PTPRD: variants seen among roughly 807,000 people sequenced by gnomAD.
PTPRD encodes protein tyrosine phosphatase receptor type D.
A neutral mutation model predicts 214.5 loss-of-function variants in PTPRD; 34 were observed. The observed-to-expected ratio is 0.16, with a 90% CI of 0.12 to 0.21. PTPRD has a LOEUF of 0.21. Among genes scored for constraint, PTPRD ranks in the 10% least tolerant of loss-of-function variants. The pLI, the probability that PTPRD is intolerant of heterozygous loss-of-function variation, is 1.00. For missense variants in PTPRD, 2,545 were observed against 2,398.7 expected (o/e 1.06, Z -1.27); for synonymous variants, 1,128 against 845.7 (o/e 1.33, Z -5.79).
intron 7 of PTPRD, among the ~76,000 whole-genome samples, chr9:9,643,483 G>T (rs1190051044): frequency 1.3e-5 from 2 of 152,090 alleles, no homozygotes; most frequent in Non-Finnish European, 2.9e-5. Flanking sequence ...TGAGCAGAGT[G>T]AATCCAAGAA....
intron 2 of PTPRD, among the ~76,000 whole-genome samples, chr9:10,369,877 A>C (rs1565595338): frequency 1.3e-5 from 2 of 152,146 alleles, no homozygotes; most frequent in African/African-American, 2.4e-5. Flanking sequence ...ATGTCATATT[A>C]AATAGAAACA....
intron 3 of PTPRD, among the ~76,000 whole-genome samples, chr9:10,164,910 A>C (rs1188239909): frequency 6.6e-6 from 1 of 151,216 alleles, no homozygotes; most frequent in Non-Finnish European, 1.5e-5. Context: ...AAAAAAAGAC[A>C]ATAGCATACA....
chr9:9,631,226 A>T (rs1014408410), intron 7 of PTPRD, among the ~76,000 whole-genome samples: 4 of 134,944 alleles, frequency 3.0e-5, no homozygotes, highest in Admixed American at 7.1e-5. Flanking sequence ...AATAAATAAA[A>T]AGAAAAAGAA....
At chr9:8,978,695 T>A (rs2099284277) in intron 11 of PTPRD, among the ~76,000 whole-genome samples, 1 of 151,994 alleles carries the variant, frequency 6.6e-6, no homozygotes, top group Admixed American at 6.6e-5. Flanking sequence ...ATAACCTACA[T>A]AGCCTTGGAC....
intron 8 of PTPRD, among the ~76,000 whole-genome samples, chr9:9,572,534 T>G (rs1053795915): frequency 1.4e-5 from 2 of 147,014 alleles, no homozygotes; most frequent in Non-Finnish European, 3.0e-5. Flanking sequence ...AATCCTCTAT[T>G]GGATATATAC....
chr9:9,008,420 G>A (rs1240650132), intron 11 of PTPRD, among the ~76,000 whole-genome samples: 1 of 151,476 alleles, frequency 6.6e-6, no homozygotes, highest in African/African-American at 2.4e-5. Flanking sequence ...TTAGAGACGG[G>A]GTTTCACCGT....
intron 30 of PTPRD, among the ~76,000 whole-genome samples, chr9:8,478,795 A>G (rs1158145869): frequency 6.6e-6 from 1 of 152,244 alleles, no homozygotes; most frequent in Non-Finnish European, 1.5e-5. Flanking sequence ...ACAACCAAGT[A>G]TGAAAGTAAA....
intron 3 of PTPRD, among the ~76,000 whole-genome samples, chr9:10,077,376 A>C (rs2098149342): frequency 6.6e-6 from 1 of 152,208 alleles, no homozygotes; most frequent in Non-Finnish European, 1.5e-5. Context: ...CATTTGCTTA[A>C]GATTCACTTG....
chr9:9,044,034 A>G (rs2099659237), intron 10 of PTPRD, among the ~76,000 whole-genome samples: 2 of 152,178 alleles, frequency 1.3e-5, no homozygotes, highest in Non-Finnish European at 2.9e-5. Context: ...CAATTTAAAT[A>G]AGAGCTAATG....
At chr9:9,256,850 T>A (rs1042535714) in intron 9 of PTPRD, among the ~76,000 whole-genome samples, 12 of 151,970 alleles carry the variant, frequency 7.9e-5, no homozygotes, top group African/African-American at 2.9e-4. Context: ...AATCTCTAAG[T>A]CTTATTTGCC....
intron 7 of PTPRD, among the ~76,000 whole-genome samples, chr9:9,697,109 C>A (rs1352612414): frequency 6.6e-6 from 1 of 151,988 alleles, no homozygotes; most frequent in Non-Finnish European, 1.5e-5. Context: ...ATTTTTCTTG[C>A]CTCAATTTAC....
intron 2 of PTPRD, among the ~76,000 whole-genome samples, chr9:10,552,471 C>CT (rs36113949): frequency 6.6e-6 from 1 of 151,868 alleles, no homozygotes; most frequent in Non-Finnish European, 1.5e-5. Flanking sequence ...ATTCTTCTGT[C>CT]TTTTTTTTCT....
At chr9:9,631,788 A>G in intron 7 of PTPRD, among the ~76,000 whole-genome samples, 1 of 152,306 alleles carries the variant, frequency 6.6e-6, no homozygotes, top group Non-Finnish European at 1.5e-5. Context: ...TGGAAAAATA[A>G]TCAGAGCCTC....
At position 10,408,492 on chromosome 9, in the gene PTPRD, G is replaced by T. The variant is rs868126735; in HGVS notation, c.-599-67475C>A. On this transcript the variant is annotated intron_variant, in intron 2 of 45. Transcript: ENST00000381196. ...TTCAATGACTGCACAAGTTCATCCA[G>T]CTAGGAATTAAGGCTAGGAAGAGAA... Among the ~76,000 whole-genome samples the T allele has an allele frequency of 4.0e-5, 6 of 151,772 alleles. No homozygotes were observed. In the South Asian group the frequency reaches 1.2e-3, roughly 32 times the overall value.
At chr9:10,599,739 A>C (rs73642024) in intron 2 of PTPRD, among the ~76,000 whole-genome samples, 6,824 of 151,848 alleles carry the variant, frequency 0.045, 257 homozygotes, top group African/African-American at 0.099. Flanking sequence ...GAAATGATTC[A>C]AGATTGCTCT....
intron 12 of PTPRD, among the ~76,000 whole-genome samples, chr9:8,698,625 G>T (rs143593934): frequency 6.6e-6 from 1 of 152,164 alleles, no homozygotes; most frequent in Non-Finnish European, 1.5e-5. Flanking sequence ...CAGGAAGGCT[G>T]TATGACCACA....
intron 12 of PTPRD, among the ~76,000 whole-genome samples, chr9:8,692,407 C>T (rs149823105): frequency 6.6e-6 from 1 of 152,166 alleles, no homozygotes; most frequent in African/African-American, 2.4e-5. Flanking sequence ...CAGAAGCCAC[C>T]TCCATTCTTA....
intron 5 of PTPRD, among the ~76,000 whole-genome samples, chr9:9,802,086 C>G (rs1009023064): frequency 6.6e-6 from 1 of 152,032 alleles, no homozygotes; most frequent in African/African-American, 2.4e-5. Flanking sequence ...AATTGCGACT[C>G]AAGTTGCTTA....
intron 2 of PTPRD, among the ~76,000 whole-genome samples, chr9:10,567,110 T>C (rs1429033510): frequency 6.6e-6 from 1 of 152,116 alleles, no homozygotes; most frequent in Non-Finnish European, 1.5e-5. Context: ...TAATTAGTGT[T>C]GTGAGAGCCT....
Sources: allele counts gnomAD v4.1 joint callset (sites outside exome capture counted in the v4.1 genomes callset), GRCh38; gene constraint gnomAD v4.1.1; transcripts MANE v1.5; gene names NCBI Gene and HGNC (gene_info 2026-07-23, HGNC 2026-07-21).